DPEP2: variants seen among roughly 807,000 people sequenced by gnomAD.
DPEP2 encodes dipeptidase 2.
Under a neutral mutation model 51.8 loss-of-function variants are expected in DPEP2, and 45 were observed. The ratio of observed to expected loss-of-function variants is 0.87; its 90% confidence interval spans 0.68 to 1.11. DPEP2 has a LOEUF of 1.11. Ranked by LOEUF, DPEP2 falls within the 50% of genes most tolerant of loss-of-function variation. DPEP2 has a pLI of 0.00. For synonymous variants in DPEP2, 255 were observed against 262.7 expected, an observed-to-expected ratio of 0.97 and a Z score of 0.28; for missense variants, 604 against 631.9, an observed-to-expected ratio of 0.96 and a Z score of 0.47.
rs1361324012 is a variant in DPEP2 at position 67,993,052 on chromosome 16, A to G, written c.161T>C (p.Met54Thr). The change falls in exon 2 of 11, where the codon ATG becomes ACG. Residue 54 changes from methionine to threonine, a missense_variant. Physicochemically the swap from Met to Thr is moderately conservative, Grantham distance 81. Transcript: ENST00000393847. ...GGTCGAGGGAGCGTAGGTGCCCGGC[A>G]TGGTGTGGGCTCTGGGGGCGCCCAG... ...TTLGAPRAHT[M>T]PGTYAPSTTL... 1.3e-6 allele frequency: 2 copies of G among 1,580,846 alleles called. No homozygotes were observed. The highest frequency in any genetic ancestry group is 2.3e-5 in the East Asian group (1 of 43,106).
In DPEP2 at chr16:67,991,774, C is replaced by T. The variant is rs1327760722; in HGVS notation, c.662+64G>A. The T allele has an allele frequency of 1.3e-6, 2 of 1,585,212 alleles. No homozygotes were observed. Among genetic ancestry groups the T allele is most frequent in the Admixed American group, 3.4e-5 (2 of 58,672 alleles). ...ATGGGTAAAGCTTGTTCTGGGCCCA[C>T]AGTGACCTCAGGCAGATCTCTGCCC... On this transcript the variant is annotated intron_variant, in intron 5 of 10. Transcript: ENST00000393847. This position sits in a 1 kb window ranked among gnomAD's most constrained non-coding sequence, Gnocchi z 5.1.
chr16:67,991,787 C>G lies in DPEP2; in HGVS notation c.662+51G>C, dbSNP rs778878224. 4.4e-6 allele frequency: 7 copies of G among 1,597,624 alleles called. No individual in the cohort carries two copies. In the African/African-American group the frequency reaches 9.4e-5, roughly 21 times the overall value. ...GTTCTGGGCCCACAGTGACCTCAGG[C>G]AGATCTCTGCCCCTGCCTCAGCGGT... On this transcript the variant is annotated intron_variant, in intron 5 of 10. Transcript: ENST00000393847. The surrounding 1 kb of genome is among the most constrained non-coding windows in gnomAD (Gnocchi z 5.1).
intron 1 of DPEP2, chr16:67,994,495 C>G (rs969045304): frequency 2.0e-6 from 2 of 985,388 alleles, no homozygotes; most frequent in African/African-American, 3.5e-5. Flanking sequence ...AGCCCCACGA[C>G]CTGAGATCTT....
chr16:67,998,228 T>C (rs2032811375), intron 1 of DPEP2, among the ~76,000 whole-genome samples: 1 of 151,402 alleles, frequency 6.6e-6, no homozygotes, highest in South Asian at 2.1e-4. Flanking sequence ...GAGGCGCGAG[T>C]GGGAACCGGG....
At chr16:67,998,377 G>A (rs2032823236) in intron 1 of DPEP2, among the ~76,000 whole-genome samples, 1 of 152,216 alleles carries the variant, frequency 6.6e-6, no homozygotes, top group Non-Finnish European at 1.5e-5. Flanking sequence ...TGCGGAGGAT[G>A]TACTGGGTCC....
At position 67,993,044 on chromosome 16, in the gene DPEP2, T is replaced by C. The variant is rs1419532600; in HGVS notation, c.169A>G (p.Thr57Ala). The change falls in exon 2 of 11, where the codon ACC becomes GCC. Residue 57 changes from threonine to alanine, a missense_variant. Transcript: ENST00000393847. ...CTGAGTGTGGTCGAGGGAGCGTAGGTGCCCGGCATGGTGTGGGCTCTGGGG... is the reference window on the plus strand; with the variant it reads ...CTGAGTGTGGTCGAGGGAGCGTAGGCGCCCGGCATGGTGTGGGCTCTGGGG... ...GAPRAHTMPG[T>A]YAPSTTLSSP... 5.7e-6 allele frequency: 9 copies of C among 1,582,528 alleles called. No individual in the cohort carries two copies. The highest frequency in any genetic ancestry group is 1.8e-5 in the Admixed American group (1 of 55,518).
chr16:67,993,547 G>A (rs2032456831), intron 1 of DPEP2: 1 of 1,066,748 alleles, frequency 9.4e-7, no homozygotes, highest in South Asian at 4.2e-5. Flanking sequence ...GTCCCCAGGG[G>A]GCCGACCCAG....
intron 9 of DPEP2, among the ~76,000 whole-genome samples, chr16:67,989,106 G>A (rs1421423035): frequency 2.0e-5 from 3 of 152,170 alleles, no homozygotes; most frequent in Non-Finnish European, 4.4e-5. Flanking sequence ...TCCTGGGCTT[G>A]GGGGTACGTG....
In DPEP2 at chr16:67,992,212, T is replaced by C. The variant is rs200410998; in HGVS notation, c.391-19A>G. 6.2e-7 allele frequency: 1 copy of C among 1,612,738 alleles called. No individual in the cohort carries two copies. Among genetic ancestry groups the C allele is most frequent in the East Asian group, 2.2e-5 (1 of 44,872 alleles). ...ACCAGAACTGGGGGGAAGGCCAGGG[T>C]TTGGCTTGGATGGGGGCTGCTTTGG... is the stretch of plus-strand genomic sequence containing the variant. On this transcript the variant is annotated intron_variant, in intron 3 of 10. Transcript: ENST00000393847.
At chr16:67,995,737 G>A (rs536413304) in intron 1 of DPEP2, among the ~76,000 whole-genome samples, 1 of 152,310 alleles carries the variant, frequency 6.6e-6, no homozygotes, top group East Asian at 1.9e-4. Context: ...GCCGAGGTGG[G>A]TGGATCATCT....
At chr16:67,999,737 A>T (rs1438947857), upstream of DPEP2, 1 of 152,382 alleles carries the variant, frequency 6.6e-6, no homozygotes, top group Non-Finnish European at 1.5e-5. Flanking sequence ...TCTAGGCAAC[A>T]TAATGAGAAC....
intron 7 of DPEP2, 33 bp from the exon 8 acceptor site, chr16:67,990,164 G>T: frequency 6.2e-7 from 1 of 1,608,214 alleles, no homozygotes. Context: ...ACTTAGCCTG[G>T]CCCCTCAGCA....
At chr16:67,989,194 A>C in intron 9 of DPEP2, 129 bp downstream of exon 9, 1 of 1,010,796 alleles carries the variant, frequency 9.9e-7, no homozygotes, top group Non-Finnish European at 1.5e-6. Flanking sequence ...GGATGAAGAC[A>C]AACAGGAGAG....
rs1227845527 is a variant in DPEP2 at position 67,987,605 on chromosome 16, G to T, written c.1362C>A (p.Ala454=). ...ELTEIPIHWT[A]KLPAKWSVSE... The stretch of plus-strand genomic sequence containing the variant: ...AGACTGACCACTTGGCTGGTAACTT[G>T]GCTGTCCAGTGTATGGGAATCTCAG... The change falls in exon 11 of 11, where the codon GCC becomes GCA. Residue 454 remains alanine, a synonymous_variant. Transcript: ENST00000393847. The T allele has an allele frequency of 3.1e-6, 5 of 1,614,190 alleles. No homozygotes were observed. The highest frequency in any genetic ancestry group is 3.4e-6 in the Non-Finnish European group (4 of 1,180,036).
intron 1 of DPEP2, chr16:67,993,808 G>T (rs921795855): frequency 1.0e-6 from 1 of 985,748 alleles, no homozygotes; most frequent in Non-Finnish European, 1.2e-6. Flanking sequence ...GAAATGAGGG[G>T]TTAACCCTGT....
upstream of DPEP2, chr16:68,000,398 G>T: frequency 1.0e-6 from 1 of 979,558 alleles, no homozygotes; most frequent in Non-Finnish European, 1.2e-6. Context: ...TAGCTGCACA[G>T]GCTGCCTCCC....
At chr16:67,993,999 T>C in intron 1 of DPEP2, 1 of 985,254 alleles carries the variant, frequency 1.0e-6, no homozygotes, top group Non-Finnish European at 1.2e-6. Context: ...CCTAAGGAGC[T>C]GCCACACCTC....
In DPEP2 at chr16:67,991,701, A is replaced by G; in HGVS notation, c.662+137T>C. On this transcript the variant is annotated intron_variant, in intron 5 of 10. Coordinates refer to ENST00000393847, the MANE Select transcript of DPEP2 (RefSeq NM_022355.4). The surrounding 1 kb of genome is among the most constrained non-coding windows in gnomAD (Gnocchi z 5.1). Reference sequence around the variant, plus strand: ...CCAGGGGTCAAGTCGTATTCTGAAAACCAGAATCCCAGCTCCCCTCCCCAC... The same window carrying G: ...CCAGGGGTCAAGTCGTATTCTGAAAGCCAGAATCCCAGCTCCCCTCCCCAC... 7.6e-7 allele frequency: 1 copy of G among 1,320,142 alleles called. No homozygotes were observed. The highest frequency in any genetic ancestry group is 1.0e-6 in the Non-Finnish European group (1 of 984,466). The allele number at this position is 1,320,142 out of a possible 1,614,324, so 81.8% of individuals were successfully genotyped here. A position where few individuals can be genotyped will look rare whatever the true frequency, so the allele number is the denominator to read the frequency against.
chr16:67,991,328 C>T lies in DPEP2; in HGVS notation c.663-144G>A. The T allele has an allele frequency of 2.7e-6, 2 of 730,210 alleles. No individual in the cohort carries two copies. The highest frequency in any genetic ancestry group is 4.5e-6 in the Non-Finnish European group (2 of 445,052). The allele number at this position is 730,210 out of a possible 1,614,324, so 45.2% of individuals were successfully genotyped here. A position where few individuals can be genotyped will look rare whatever the true frequency, so the allele number is the denominator to read the frequency against. ...GGCCCTGCAAATGGGCCATGCCTGG[C>T]AGCAGGAGGGCCCTGCTGGGTCCAG... On this transcript the variant is annotated intron_variant, in intron 5 of 10. Transcript: ENST00000393847. The surrounding 1 kb of genome is among the most constrained non-coding windows in gnomAD (Gnocchi z 5.1).
Sources: gnomAD v4.1 joint callset for allele counts (sites outside exome capture counted in the v4.1 genomes callset) on GRCh38, gnomAD v4.1.1 for gene constraint, Gnocchi (gnomAD v3.1) non-coding constraint, MANE v1.5 for transcripts, NCBI Gene and HGNC (gene_info 2026-07-23, HGNC 2026-07-21) for gene names.